The following TENT2 variants were observed in gnomAD, a reference collection of about 807,000 sequenced individuals.
TENT2 encodes the protein terminal nucleotidyltransferase 2.
Under a neutral mutation model 72.2 loss-of-function variants are expected in TENT2, and 44 were observed. The ratio of observed to expected loss-of-function variants is 0.61; its 90% CI spans 0.48 to 0.78. The LOEUF is 0.78. Ranked by LOEUF, TENT2 falls within the 30% of genes least tolerant of loss-of-function variation. The probability of loss-of-function intolerance (pLI) is 0.00; values close to 1 mark genes in which losing one functional copy is unlikely to be tolerated. For synonymous variants in TENT2, 212 were observed against 192.5 expected, an observed-to-expected ratio of 1.10 and a Z score of -0.84; for missense variants, 541 against 569.6, an observed-to-expected ratio of 0.95 and a Z score of 0.51.
At chr5:79,627,221 G>A (rs577018381) in intron 4 of TENT2, among the ~76,000 whole-genome samples, 1 of 151,926 alleles carries the variant, frequency 6.6e-6, no homozygotes, top group South Asian at 2.1e-4. Flanking sequence ...ACTATTGAAA[G>A]CTCTCTATTT....
chr5:79,679,698 C>T, intron 13 of TENT2, 28 bp downstream of exon 13: 1 of 1,297,772 alleles, frequency 7.7e-7, no homozygotes, highest in South Asian at 1.6e-5. Flanking sequence ...ATCTACGTAT[C>T]ATCATGGTAC....
At chr5:79,667,115 TA>T (rs1446828989) in intron 11 of TENT2, among the ~76,000 whole-genome samples, 3 of 152,212 alleles carry the variant, frequency 2.0e-5, no homozygotes, top group Non-Finnish European at 2.9e-5. Context: ...CTTAATGTCA[TA>T]ATTGCTGACC....
In TENT2 at chr5:79,623,434, G is replaced by A. The variant is rs761708010; in HGVS notation, c.410G>A (p.Arg137Gln). The change falls in exon 4 of 15, where the codon CGA becomes CAA. Residue 137 changes from arginine (R) to glutamine (Q), a missense_variant. Physicochemically the swap from Arg to Gln is conservative, Grantham distance 43. Transcript: ENST00000453514. ...ATAGTCAGATGTGTTCCACCTTTTC[G>A]AGAAATTGCATTTTTAGAACCTAGA... ...PDIVRCVPPF[R>Q]EIAFLEPREI... is the part of the protein sequence containing the mutation. 15 of 1,611,224 alleles carry A rather than the reference G, an allele frequency of 9.3e-6. No individual in the cohort carries two copies. Among genetic ancestry groups the A allele is most frequent in the African/African-American group, 5.3e-5 (4 of 74,820 alleles).
At chr5:79,618,870 A>G (rs1294245966) in intron 1 of TENT2, among the ~76,000 whole-genome samples, 3 of 152,086 alleles carry the variant, frequency 2.0e-5, no homozygotes, top group Non-Finnish European at 4.4e-5. Context: ...TTTTTTCATA[A>G]GAGTTTTCTA....
rs777648614 is a variant in TENT2 at position 79,668,963 on chromosome 5, A to G, written c.1143A>G (p.Ser381=). The change falls in exon 12 of 15, where the codon TCA becomes TCG. Residue 381 remains serine (S), a synonymous_variant. Coordinates refer to ENST00000453514, the MANE Select transcript of TENT2 (RefSeq NM_001114394.3). ...QAPCNVPPYL[S]KNESNLGDLL... Reference sequence around the variant, plus strand: ...CATGTAATGTTCCTCCTTACCTCTCAAAGAATGAATCAAACCTTGGGGACC... The same window carrying G: ...CATGTAATGTTCCTCCTTACCTCTCGAAGAATGAATCAAACCTTGGGGACC... The G allele has an allele frequency of 6.2e-6, 10 of 1,613,702 alleles. No individual in the cohort carries two copies. The highest frequency in any genetic ancestry group is 4.5e-5 in the East Asian group (2 of 44,854).
intron 13 of TENT2, 52 bp downstream of exon 13, chr5:79,679,722 T>C: frequency 1.9e-5 from 20 of 1,029,034 alleles, no homozygotes; most frequent in Non-Finnish European, 2.5e-5. Context: ...GAGAATTACT[T>C]GAGTAATTTC....
At chr5:79,625,636 A>G (rs3942873) in intron 4 of TENT2, among the ~76,000 whole-genome samples, 17,601 of 152,020 alleles carry the variant, frequency 0.12, 1,148 homozygotes, top group East Asian at 0.29. Context: ...TATATGATGT[A>G]AAGTAGGGGG....
At chr5:79,631,396 C>T (rs1364021416) in intron 4 of TENT2, among the ~76,000 whole-genome samples, 2 of 152,126 alleles carry the variant, frequency 1.3e-5, no homozygotes, top group Non-Finnish European at 2.9e-5. Context: ...GGACATGTGC[C>T]TTTAAGAAGC....
intron 14 of TENT2, 98 bp from the exon 15 acceptor site, chr5:79,685,101 C>A: frequency 1.1e-6 from 1 of 939,490 alleles, no homozygotes; most frequent in Non-Finnish European, 1.6e-6. Flanking sequence ...CAAAATTTAT[C>A]ACCTAGAGAG....
At chr5:79,639,810 T>C (rs1782970862) in intron 4 of TENT2, among the ~76,000 whole-genome samples, 1 of 152,118 alleles carries the variant, frequency 6.6e-6, no homozygotes, top group Non-Finnish European at 1.5e-5. Context: ...AAGACCACAT[T>C]ATAGGAGTGT....
At chr5:79,675,057 AT>A (rs1448869551) in intron 12 of TENT2, among the ~76,000 whole-genome samples, 1 of 152,218 alleles carries the variant, frequency 6.6e-6, no homozygotes, top group Non-Finnish European at 1.5e-5. Flanking sequence ...ATAATTCAAT[AT>A]GGATAATGTA....
intron 11 of TENT2, among the ~76,000 whole-genome samples, chr5:79,658,517 C>T (rs1341708532): frequency 6.6e-6 from 1 of 152,040 alleles, no homozygotes; most frequent in Non-Finnish European, 1.5e-5. Flanking sequence ...GAATGTTTTT[C>T]TCTCTCCATA....
intron 7 of TENT2, 127 bp downstream of exon 7, chr5:79,643,037 C>T (rs1022729211): frequency 2.1e-4 from 249 of 1,180,016 alleles, no homozygotes; most frequent in Non-Finnish European, 2.5e-4. Context: ...TTCTTTTTTC[C>T]AAATGAATTT....
intron 11 of TENT2, 103 bp downstream of exon 11, chr5:79,657,104 C>T (rs771900501): frequency 8.3e-6 from 6 of 719,546 alleles, no homozygotes; most frequent in Non-Finnish European, 1.3e-5. Flanking sequence ...AGGCTAAGTA[C>T]ATGATAACAT....
intron 13 of TENT2, 62 bp downstream of exon 13, chr5:79,679,732 C>CTT: frequency 1.1e-6 from 1 of 938,276 alleles, no homozygotes; most frequent in Non-Finnish European, 1.5e-6. Context: ...TGAGTAATTT[C>CTT]AGCTGTGTTT....
chr5:79,620,144 T>C (rs1763605820), intron 3 of TENT2, 61 bp downstream of exon 3: 2 of 1,163,008 alleles, frequency 1.7e-6, no homozygotes, highest in Non-Finnish European at 2.5e-6. Flanking sequence ...TCTGTAATGA[T>C]GTATCTTGAA....
intron 4 of TENT2, among the ~76,000 whole-genome samples, chr5:79,639,924 T>C (rs1411106166): frequency 3.3e-5 from 5 of 151,706 alleles, no homozygotes; most frequent in Non-Finnish European, 7.4e-5. Context: ...ATGGCAAGAG[T>C]TGGGCTGGAG....
intron 4 of TENT2, among the ~76,000 whole-genome samples, chr5:79,631,955 G>T (rs764878103): frequency 2.6e-5 from 4 of 152,182 alleles, no homozygotes; most frequent in Non-Finnish European, 4.4e-5. Flanking sequence ...GGAGTTTCCA[G>T]AGTTGAATGG....
At chr5:79,668,561 G>A (rs1810369036) in intron 11 of TENT2, among the ~76,000 whole-genome samples, 4 of 152,122 alleles carry the variant, frequency 2.6e-5, no homozygotes, top group African/African-American at 9.6e-5. Flanking sequence ...TAACCTTTGT[G>A]AAGAAATCTA....
Sources: gnomAD v4.1 joint callset for allele counts (sites outside exome capture counted in the v4.1 genomes callset) on GRCh38, gnomAD v4.1.1 for gene constraint, MANE v1.5 for transcripts, NCBI Gene and HGNC (gene_info 2026-07-23, HGNC 2026-07-21) for gene names.